The following CFAP46 variants were observed in gnomAD, a reference collection of about 807,000 sequenced individuals.
CFAP46 encodes the protein cilia and flagella associated protein 46.
A neutral mutation model predicts 325.7 loss-of-function variants in CFAP46; 245 were observed. That is an observed-to-expected ratio of 0.75 (90% CI 0.68 to 0.84). The LOEUF (loss-of-function observed/expected upper bound fraction) is 0.84. Ranked by LOEUF, CFAP46 falls within the 40% of genes least tolerant of loss-of-function variation. CFAP46 has a pLI of 0.00. For missense variants in CFAP46, 3,346 were observed against 3,543.0 expected (o/e 0.94, Z 1.41); for synonymous variants, 1,523 against 1,495.9 (o/e 1.02, Z -0.42).
rs1440060098 is a variant in CFAP46, at chr10:132,828,534, GTTTC to G, written c.7117+4820_7117+4823del. Among the ~76,000 whole-genome samples the G allele has an allele frequency of 2.6e-5, 4 of 152,070 alleles. No individual in the cohort carries two copies. The highest frequency in any genetic ancestry group is 2.0e-4 in the Admixed American group (3 of 15,272). On this transcript the variant is annotated intron_variant, in intron 50 of 57. Transcript: ENST00000368586. The surrounding 1 kb of genome is among the most constrained non-coding windows in gnomAD (Gnocchi z 4.9). ...ATCTGTTCAAATCTTTTTTAGGGTT[GTTTC>G]TTTCTTATTATTCAGTTTTGAGAGT...
intron 25 of CFAP46, among the ~76,000 whole-genome samples, chr10:132,887,050 C>A (rs1250885981): frequency 6.7e-6 from 1 of 149,966 alleles, no homozygotes; most frequent in African/African-American, 2.4e-5. Context: ...CTCCTCTCAT[C>A]TTCTCTCTGG....
chr10:132,818,643 A>C (rs2134804691), intron 50 of CFAP46, among the ~76,000 whole-genome samples: 1 of 152,248 alleles, frequency 6.6e-6, no homozygotes, highest in Non-Finnish European at 1.5e-5. Context: ...ACCTGAGGGC[A>C]GGAGTTTGAG....
intron 15 of CFAP46, 85 bp from the exon 16 acceptor site, chr10:132,918,605 G>T: frequency 4.2e-6 from 6 of 1,438,774 alleles, no homozygotes; most frequent in Non-Finnish European, 5.5e-6. Flanking sequence ...ATCTTGGAGT[G>T]CCTGAGCCTC....
At chr10:132,840,189 G>A (rs192321556) in intron 44 of CFAP46, among the ~76,000 whole-genome samples, 21 of 152,292 alleles carry the variant, frequency 1.4e-4, no homozygotes, top group African/African-American at 5.1e-4. Flanking sequence ...GTTGGCTTTG[G>A]TGAGCTGTGT....
chr10:132,898,913 T>C (rs1195364219), intron 24 of CFAP46, 46 bp downstream of exon 24: 1 of 1,542,294 alleles, frequency 6.5e-7, no homozygotes, highest in South Asian at 1.2e-5. Flanking sequence ...GAAGACCCAC[T>C]AGAGGCCTCA....
At chr10:132,878,996 G>A (rs962139804) in intron 29 of CFAP46, among the ~76,000 whole-genome samples, 2 of 152,156 alleles carry the variant, frequency 1.3e-5, no homozygotes, top group Non-Finnish European at 2.9e-5. Flanking sequence ...TGGAAGCCCC[G>A]TCAGCGGGCG....
chr10:132,925,025 G>A lies in CFAP46; in HGVS notation c.1066-139C>T, dbSNP rs371135613. The A allele has an allele frequency of 3.3e-4, 207 of 626,804 alleles. 4 individuals carry two copies. In the South Asian group the frequency reaches 8.7e-3, roughly 26 times the overall value. 38.8% of individuals were successfully genotyped at this position (626,804 alleles called of 1,614,324 possible). On this transcript the variant is annotated intron_variant, in intron 10 of 57. Coordinates refer to ENST00000368586, the MANE Select transcript of CFAP46 (RefSeq NM_001200049.3). The stretch of plus-strand genomic sequence containing the variant: ...CGTGGCGTCATGCTCAAATCTGTCC[G>A]TGAAAATGGCCAGAGTGACTCTTTC...
At chr10:132,880,819 G>C (rs1849030789) in intron 28 of CFAP46, 42 bp downstream of exon 28, 1 of 1,529,342 alleles carries the variant, frequency 6.5e-7, no homozygotes, top group Admixed American at 2.0e-5. Flanking sequence ...GAGCTCTGGG[G>C]AGCGGCGTGG....
chr10:132,839,397 C>G (rs1591045772), intron 44 of CFAP46, among the ~76,000 whole-genome samples: 1 of 152,218 alleles, frequency 6.6e-6, no homozygotes, highest in Admixed American at 6.5e-5. Flanking sequence ...GGAGGAAGAG[C>G]CTTCGTGAAC....
intron 24 of CFAP46, chr10:132,898,403 A>C: frequency 4.3e-6 from 1 of 233,236 alleles, no homozygotes; most frequent in Non-Finnish European, 8.5e-6. Flanking sequence ...ACCCATGCCT[A>C]GCCTCCCTCC....
rs944691835 is a variant in CFAP46, at chr10:132,912,691, G to A, written c.2463C>T (p.Asp821=). 38 of 1,549,448 alleles carry A rather than the reference G, an allele frequency of 2.5e-5. No homozygotes were observed. Among genetic ancestry groups the A allele is most frequent in the East Asian group, 2.4e-4 (10 of 40,896 alleles). ...MRPNAFHSPL[D]AGATSEIKTA... ...TTTTGATCTCGGAAGTGGCTCCTGC[G>A]TCCAGTGGGCTGTGAAACGCGTTTG... Residue 821 remains aspartate, a synonymous_variant, in exon 19 of 58, where the codon GAC becomes GAT. Coordinates refer to ENST00000368586, the MANE Select transcript of CFAP46 (RefSeq NM_001200049.3).
chr10:132,861,961 G>A (rs1016763035), intron 35 of CFAP46, among the ~76,000 whole-genome samples: 1 of 152,224 alleles, frequency 6.6e-6, no homozygotes, highest in Admixed American at 6.5e-5. Context: ...TGCCCAGGAC[G>A]AGGGAGGGGC....
At position 132,835,310 on chromosome 10, in the gene CFAP46, T is replaced by C. The variant is rs745972679; in HGVS notation, c.6738A>G (p.Ile2246Met). The part of the protein sequence containing the change: ...QVYSEDMALN[I>M]GSEPEGLQVE... Reference sequence around the variant, plus strand: ...GGAGCCTGGAGGGCCTCACCGAGCCTATGTTCAGGGCCATGTCCTCACTGT... The same window carrying C: ...GGAGCCTGGAGGGCCTCACCGAGCCCATGTTCAGGGCCATGTCCTCACTGT... Residue 2246 changes from isoleucine (I) to methionine (M), a missense_variant, in exon 47 of 58, where the codon ATA (isoleucine) becomes ATG (methionine). Transcript: ENST00000368586. 5.0e-6 allele frequency: 8 copies of C among 1,612,920 alleles called. No individual in the cohort carries two copies. In the East Asian group the frequency reaches 1.8e-4, roughly 36 times the overall value.
chr10:132,894,470 A>C (rs566098922), intron 24 of CFAP46, among the ~76,000 whole-genome samples: 87 of 152,324 alleles, frequency 5.7e-4, no homozygotes, highest in African/African-American at 2.0e-3. Context: ...AGGAAATAAT[A>C]GAGATCAGAG....
In CFAP46 at chr10:132,814,256, T is replaced by C. The variant is rs41306834; in HGVS notation, c.7286-2A>G. The C allele has an allele frequency of 2.6e-3, 4,235 of 1,609,996 alleles. 7 individuals are homozygous for C. Among genetic ancestry groups the C allele is most frequent in the Non-Finnish European group, 3.0e-3 (3,544 of 1,176,588 alleles). On this transcript the variant is annotated splice_acceptor_variant, in intron 53 of 57. Transcript: ENST00000368586. LOFTEE classifies it high-confidence loss of function. The stretch of plus-strand genomic sequence containing the variant: ...TGATGGAGACAGGAGTTAGCATTTC[T>C]GCAAGGAGAACAGGGTGGATACAGA...
At chr10:132,935,355 A>G (rs1247189427) in intron 7 of CFAP46, among the ~76,000 whole-genome samples, 117 of 136,200 alleles carry the variant, frequency 8.6e-4, no homozygotes, top group Middle Eastern at 4.5e-3. Flanking sequence ...TGATCTCCTC[A>G]CTCCCCTTGG....
rs1221913096 is a variant in CFAP46 at position 132,919,067 on chromosome 10, G to A, written c.1858+248C>T. Among the ~76,000 whole-genome samples, 2 of 152,214 alleles carry A rather than the reference G, an allele frequency of 1.3e-5. No individual in the cohort carries two copies. Among genetic ancestry groups the A allele is most frequent in the African/African-American group, 2.4e-5 (1 of 41,456 alleles). On this transcript the variant is annotated intron_variant, in intron 15 of 57. Transcript: ENST00000368586. The surrounding 1 kb of genome is among the most constrained non-coding windows in gnomAD (Gnocchi z 9.7). ...TGTGGTGGCCCCTGCCTGAGCCTCC[G>A]AGGCCCCCAGTGACTGAAGATGGAG...
chr10:132,848,035 G>A (rs377107903), intron 41 of CFAP46, among the ~76,000 whole-genome samples: 5 of 152,002 alleles, frequency 3.3e-5, no homozygotes, highest in Admixed American at 2.6e-4. Context: ...CCCCTTTCTC[G>A]ACGGAGCACA....
chr10:132,942,315 C>T, intron 1 of CFAP46, 121 bp downstream of exon 1: 1 of 815,628 alleles, frequency 1.2e-6, no homozygotes. Context: ...CCGGCTGTGG[C>T]CCTCGAGGGA....
Sources: gnomAD v4.1 joint callset for allele counts (sites outside exome capture counted in the v4.1 genomes callset) on GRCh38, gnomAD v4.1.1 for gene constraint, Gnocchi (gnomAD v3.1) non-coding constraint, MANE v1.5 for transcripts, NCBI Gene and HGNC (gene_info 2026-07-23, HGNC 2026-07-21) for gene names.